ERBB4: variants seen among roughly 807,000 people sequenced by gnomAD.
ERBB4 encodes the protein receptor tyrosine-protein kinase erbB-4.
Under a neutral mutation model 158.0 loss-of-function variants are expected in ERBB4, and 42 were observed. That is an observed-to-expected ratio of 0.27 (90% CI 0.21 to 0.34). The LOEUF (loss-of-function observed/expected upper bound fraction) is 0.34. Among genes scored for constraint, ERBB4 ranks in the 10% least tolerant of loss-of-function variants. The pLI, the probability that ERBB4 is intolerant of heterozygous loss-of-function variation, is 1.00. For missense variants in ERBB4, 1,333 were observed against 1,624.1 expected, an observed-to-expected ratio of 0.82 and a Z score of 3.08; for synonymous variants, 583 against 558.7, an observed-to-expected ratio of 1.04 and a Z score of -0.61.
chr2:212,466,120 T>C (rs375863651), intron 1 of ERBB4, among the ~76,000 whole-genome samples: 1 of 152,244 alleles, frequency 6.6e-6, no homozygotes, highest in East Asian at 1.9e-4. Flanking sequence ...ACTATTATTA[T>C]TCAACTTTAA....
At chr2:212,294,761 T>G (rs2086348116) in intron 1 of ERBB4, among the ~76,000 whole-genome samples, 1 of 152,138 alleles carries the variant, frequency 6.6e-6, no homozygotes, top group Admixed American at 6.6e-5. Context: ...AAGTATACTA[T>G]AACCAAATTT....
At position 212,048,807 on chromosome 2, in the gene ERBB4, C is replaced by G. The variant is rs147066087; in HGVS notation, c.234+75945G>C. Among the ~76,000 whole-genome samples, 815 of 152,182 alleles carry G rather than the reference C, an allele frequency of 5.4e-3. 13 individuals are homozygous for G. Among genetic ancestry groups the G allele is most frequent in the African/African-American group, 0.019 (778 of 41,536 alleles). ...TGAGCACATACGTAGTATTTAAAACCCTGGGACTGGATGAGATCATTTAAG... is the reference window on the plus strand; with the variant it reads ...TGAGCACATACGTAGTATTTAAAACGCTGGGACTGGATGAGATCATTTAAG... On this transcript the variant is annotated intron_variant, in intron 2 of 27. Coordinates refer to ENST00000342788, the MANE Select transcript of ERBB4 (RefSeq NM_005235.3).
intron 1 of ERBB4, among the ~76,000 whole-genome samples, chr2:212,204,709 C>CAAA (rs138872757): frequency 0.018 from 2,290 of 128,196 alleles, 58 homozygotes; most frequent in African/African-American, 0.062. Flanking sequence ...ACAAAAAAAA[C>CAAA]AAAAAAAAAA....
At chr2:211,767,179 A>T (rs974559632) in intron 4 of ERBB4, among the ~76,000 whole-genome samples, 7 of 152,088 alleles carry the variant, frequency 4.6e-5, no homozygotes, top group Admixed American at 4.6e-4. Flanking sequence ...TTGTTCGTGC[A>T]TTTTTCCCAA....
rs142974166 is a variant in ERBB4, at chr2:212,472,176, T to C, written c.82+66273A>G. 7.9e-5 allele frequency among the ~76,000 whole-genome samples: 12 copies of C among 152,038 alleles called. No homozygotes were observed. The East Asian group carries it at 2.3e-3, about 29-fold the overall frequency. ...TGTTCAATAAATGAGTATAGTACATTATAAAATGTGTATCTATAAATATTC... is the reference window on the plus strand; with the variant it reads ...TGTTCAATAAATGAGTATAGTACATCATAAAATGTGTATCTATAAATATTC... On this transcript the variant is annotated intron_variant, in intron 1 of 27. Transcript: ENST00000342788.
rs562404068 is a variant in ERBB4, at chr2:211,776,064, C to T, written c.556+11961G>A. ...TAAGCTGTTGCTTGTAGTAGTCTGG[C>T]GAATGGTTTTGTTAATGTAACTATT... On this transcript the variant is annotated intron_variant, in intron 4 of 27. Transcript: ENST00000342788. 4.6e-5 allele frequency among the ~76,000 whole-genome samples: 7 copies of T among 152,160 alleles called. No homozygotes were observed. In the South Asian group the frequency reaches 1.2e-3, roughly 27 times the overall value.
chr2:212,010,035 T>C (rs2076347689), intron 2 of ERBB4, among the ~76,000 whole-genome samples: 1 of 152,158 alleles, frequency 6.6e-6, no homozygotes, highest in Non-Finnish European at 1.5e-5. Context: ...ACAGGGCAAA[T>C]TTTACCAGCT....
intron 1 of ERBB4, among the ~76,000 whole-genome samples, chr2:212,248,011 C>A (rs2084376548): frequency 6.6e-6 from 1 of 151,990 alleles, no homozygotes; most frequent in Non-Finnish European, 1.5e-5. Flanking sequence ...AGCAAATTAT[C>A]TACAGTGATT....
At chr2:211,706,903 T>C (rs983389871) in intron 9 of ERBB4, among the ~76,000 whole-genome samples, 3 of 152,190 alleles carry the variant, frequency 2.0e-5, no homozygotes, top group African/African-American at 7.2e-5. Context: ...AACTATGCTT[T>C]TGATGAACAT....
intron 3 of ERBB4, among the ~76,000 whole-genome samples, chr2:211,847,661 A>T (rs1043294384): frequency 1.3e-5 from 2 of 151,996 alleles, no homozygotes; most frequent in Non-Finnish European, 2.9e-5. Flanking sequence ...TTGGCTCGTC[A>T]GCTATGGTTA....
intron 26 of ERBB4, 76 bp from the exon 27 acceptor site, chr2:211,387,226 G>A (rs1459437510): frequency 2.6e-6 from 3 of 1,154,304 alleles, no homozygotes; most frequent in Non-Finnish European, 3.9e-6. Flanking sequence ...ATAGCCACAA[G>A]GATATCAAAG....
chr2:211,612,473 A>C (rs1031654587), intron 19 of ERBB4, among the ~76,000 whole-genome samples: 5 of 151,960 alleles, frequency 3.3e-5, no homozygotes, highest in Admixed American at 6.6e-5. Flanking sequence ...AACTTTAGAA[A>C]TCAGGAAAGG....
chr2:212,538,335 G>T, intron 1 of ERBB4, 114 bp downstream of exon 1: 3 of 906,816 alleles, frequency 3.3e-6, no homozygotes, highest in Non-Finnish European at 5.5e-6. Flanking sequence ...AAGAGGCCCC[G>T]GTCAAGCGGT....
chr2:211,977,464 C>T (rs4616423), intron 2 of ERBB4, among the ~76,000 whole-genome samples: 4 of 137,688 alleles, frequency 2.9e-5, no homozygotes, highest in Admixed American at 8.5e-5. Context: ...GCCGTAACTT[C>T]TCAGAGTGCC....
At chr2:211,797,044 C>G (rs1157274310) in intron 3 of ERBB4, among the ~76,000 whole-genome samples, 6 of 151,810 alleles carry the variant, frequency 4.0e-5, no homozygotes, top group Non-Finnish European at 5.9e-5. Context: ...AACAGACAAA[C>G]ACAACCAAAG....
At chr2:212,207,742 A>C (rs2082809626) in intron 1 of ERBB4, among the ~76,000 whole-genome samples, 1 of 151,330 alleles carries the variant, frequency 6.6e-6, no homozygotes, top group African/African-American at 2.5e-5. Flanking sequence ...AAGACACTTG[A>C]ACTCTCTACA....
chr2:211,834,279 G>C (rs2077288868), intron 3 of ERBB4, among the ~76,000 whole-genome samples: 1 of 152,086 alleles, frequency 6.6e-6, no homozygotes. Context: ...GGCAGTGCAG[G>C]AGAATTCTAG....
intron 20 of ERBB4, among the ~76,000 whole-genome samples, chr2:211,459,207 GATT>G (rs1386659281): frequency 2.0e-5 from 3 of 152,144 alleles, no homozygotes; most frequent in Non-Finnish European, 4.4e-5. Context: ...GTTGAAATGA[GATT>G]ATTTATGTAA....
intron 25 of ERBB4, among the ~76,000 whole-genome samples, chr2:211,414,711 T>C (rs2063344465): frequency 6.6e-6 from 1 of 152,100 alleles, no homozygotes; most frequent in Admixed American, 6.6e-5. Context: ...GGTCCTTCAG[T>C]AGCAAGATGT....
Sources: allele counts gnomAD v4.1 joint callset (sites outside exome capture counted in the v4.1 genomes callset), GRCh38; gene constraint gnomAD v4.1.1; transcripts MANE v1.5; gene names NCBI Gene and HGNC (gene_info 2026-07-23, HGNC 2026-07-21).